ULBP1: variants seen among roughly 807,000 people sequenced by gnomAD.
ULBP1 encodes UL16-binding protein 1.
Under a neutral mutation model 25.3 loss-of-function variants are expected in ULBP1, and 28 were observed. The ratio of observed to expected loss-of-function variants is 1.10; its 90% CI spans 0.82 to 1.51. The LOEUF (loss-of-function observed/expected upper bound fraction) is 1.51. ULBP1 is among the 40% of genes most tolerant of loss of function. The pLI, the probability that ULBP1 is intolerant of heterozygous loss-of-function variation, is 0.00. For synonymous variants in ULBP1, 129 were observed against 103.0 expected, an observed-to-expected ratio of 1.25 and a Z score of -1.53; for missense variants, 348 against 290.9, an observed-to-expected ratio of 1.20 and a Z score of -1.43.
intron 1 of ULBP1, among the ~76,000 whole-genome samples, chr6:149,966,230 T>G (rs1779203001): frequency 6.6e-6 from 1 of 152,144 alleles, no homozygotes; most frequent in Non-Finnish European, 1.5e-5. Context: ...CAGCAGGCAA[T>G]GGTAACCTGC....
intron 4 of ULBP1, among the ~76,000 whole-genome samples, chr6:149,970,862 C>T (rs1198104016): frequency 2.0e-5 from 3 of 152,368 alleles, no homozygotes; most frequent in African/African-American, 7.2e-5. Context: ...GGGAGCTGAG[C>T]TGCTGCTGGA....
rs1221078299 is a variant in ULBP1 at position 149,969,267 on chromosome 6, G to C, written c.532G>C (p.Val178Leu). ...AGAGAAGTGGGAGAAGAACAGGGAT[G>C]TGACCATGTTCTTCCAGAAGATTTC... is the stretch of plus-strand genomic sequence containing the variant. ...MTEKWEKNRD[V>L]TMFFQKISLG... The change falls in exon 3 of 5, where the codon GTG becomes CTG. Residue 178 changes from valine to leucine, a missense_variant. Physicochemically the swap from Val to Leu is conservative, Grantham distance 32. Coordinates refer to ENST00000229708, the MANE Select transcript of ULBP1 (RefSeq NM_025218.4). 6.2e-7 allele frequency: 1 copy of C among 1,614,258 alleles called. No homozygotes were observed. Among genetic ancestry groups the C allele is most frequent in the Non-Finnish European group, 8.5e-7 (1 of 1,180,042 alleles).
chr6:149,970,547 GTCCC>G (rs1779296416), intron 4 of ULBP1, among the ~76,000 whole-genome samples: 2 of 152,220 alleles, frequency 1.3e-5, no homozygotes, highest in Non-Finnish European at 2.9e-5. Context: ...GGGAAGGGGT[GTCCC>G]TGGAGGAGGC....
At chr6:149,965,233 A>C (rs1039972982) in intron 1 of ULBP1, among the ~76,000 whole-genome samples, 4 of 114,526 alleles carry the variant, frequency 3.5e-5, no homozygotes, top group African/African-American at 2.1e-4. Flanking sequence ...GGTCTACCCG[A>C]ACATCGCGGC....
intron 1 of ULBP1, among the ~76,000 whole-genome samples, chr6:149,967,773 C>T (rs1375214929): frequency 1.3e-5 from 2 of 152,076 alleles, no homozygotes; most frequent in South Asian, 2.1e-4. Flanking sequence ...TTTTCCATCC[C>T]CATTACTACT....
chr6:149,967,044 G>A (rs1779216065), intron 1 of ULBP1, among the ~76,000 whole-genome samples: 2 of 152,200 alleles, frequency 1.3e-5, no homozygotes, highest in East Asian at 1.9e-4. Context: ...TAGTGACAGG[G>A]GAGGTCATAT....
At chr6:149,971,266 G>C in intron 4 of ULBP1, 103 bp from the exon 5 acceptor site, 1 of 814,602 alleles carries the variant, frequency 1.2e-6, no homozygotes, top group Non-Finnish European at 1.5e-6. Flanking sequence ...TTTCTTATTT[G>C]TGGGAGAGGT....
chr6:149,971,514 G>A lies in ULBP1; in HGVS notation c.*168G>A. Reference sequence around the variant, plus strand: ...AGCCCAGAGGCCCCCAGCAGACGATGAGGACATTGTCGGCTCAACATCTCA... The same window carrying A: ...AGCCCAGAGGCCCCCAGCAGACGATAAGGACATTGTCGGCTCAACATCTCA... On this transcript the variant is annotated 3_prime_UTR_variant, in exon 5 of 5. Coordinates refer to ENST00000229708, the MANE Select transcript of ULBP1 (RefSeq NM_025218.4). 1 of 509,080 alleles carries A rather than the reference G, an allele frequency of 2.0e-6. No homozygotes were observed. Among genetic ancestry groups the A allele is most frequent in the Non-Finnish European group, 2.5e-6 (1 of 398,086 alleles). The allele number at this position is 509,080 out of a possible 1,614,324, so 31.5% of individuals were successfully genotyped here.
chr6:149,968,696 A>G lies in ULBP1; in HGVS notation c.175A>G (p.Arg59Gly), dbSNP rs376980566. Reference sequence around the variant, plus strand: ...TGAAGTTCAAGGCCTGGTGGATGAAAGGCCTTTTCTTCACTATGACTGTGT... The same window carrying G: ...TGAAGTTCAAGGCCTGGTGGATGAAGGGCCTTTTCTTCACTATGACTGTGT... ...WCEVQGLVDE[R>G]PFLHYDCVNH... Residue 59 changes from arginine (R) to glycine (G), a missense_variant, in exon 2 of 5, where the codon AGG (arginine) becomes GGG (glycine). By Grantham distance (125) the Arg-to-Gly change is moderately radical (BLOSUM62 -2). Transcript: ENST00000229708. The G allele has an allele frequency of 2.1e-5, 34 of 1,614,088 alleles. No homozygotes were observed. Among genetic ancestry groups the G allele is most frequent in the Middle Eastern group, 1.6e-4 (1 of 6,084 alleles).
chr6:149,966,514 C>G (rs1779207096), intron 1 of ULBP1, among the ~76,000 whole-genome samples: 2 of 152,132 alleles, frequency 1.3e-5, no homozygotes, highest in Non-Finnish European at 2.9e-5. Flanking sequence ...CAGGGACCCT[C>G]CTTAAAGCCT....
chr6:149,965,771 T>G (rs1381482840), intron 1 of ULBP1, among the ~76,000 whole-genome samples: 1 of 151,928 alleles, frequency 6.6e-6, no homozygotes, highest in African/African-American at 2.4e-5. Flanking sequence ...ACCCTTCCCC[T>G]CACCATTCAC....
At chr6:149,971,029 G>A (rs1256202116) in intron 4 of ULBP1, among the ~76,000 whole-genome samples, 5 of 152,212 alleles carry the variant, frequency 3.3e-5, no homozygotes, top group East Asian at 1.9e-4. Flanking sequence ...GCCAGGGAAC[G>A]TGGATAGAAA....
In ULBP1 at chr6:149,970,162, A is replaced by G; in HGVS notation, c.*22+15A>G. The G allele has an allele frequency of 2.6e-6, 4 of 1,566,916 alleles. No individual in the cohort carries two copies. The highest frequency in any genetic ancestry group is 3.5e-6 in the Non-Finnish European group (4 of 1,154,836). ...TAGAGTGACAGGTACTGTGGGCAAT[A>G]TTGGGAGGGGAGCAAGAGGCAGATG... On this transcript the variant is annotated intron_variant, in intron 4 of 4. Coordinates refer to ENST00000229708, the MANE Select transcript of ULBP1 (RefSeq NM_025218.4).
Position 149,968,668 on chromosome 6 carries a change from G to T in ULBP1, c.147G>T (p.Trp49Cys), listed in dbSNP as rs755532318. 1 of 1,613,988 alleles carries T rather than the reference G, an allele frequency of 6.2e-7. No homozygotes were observed. Among genetic ancestry groups the T allele is most frequent in the Non-Finnish European group, 8.5e-7 (1 of 1,179,928 alleles). ...ITPKSRPEPQ[W>C]CEVQGLVDER... ...CTAAGTCCAGACCTGAACCACAGTG[G>T]TGTGAAGTTCAAGGCCTGGTGGATG... The change falls in exon 2 of 5, where the codon TGG becomes TGT. Residue 49 changes from tryptophan to cysteine, a missense_variant. Coordinates refer to ENST00000229708, the MANE Select transcript of ULBP1 (RefSeq NM_025218.4).
Position 149,964,127 on chromosome 6 carries a change from A to G in ULBP1, c.78A>G (p.Gly26=), listed in dbSNP as rs757522733. 1 of 1,614,134 alleles carries G rather than the reference A, an allele frequency of 6.2e-7. No individual in the cohort carries two copies. Among genetic ancestry groups the G allele is most frequent in the Non-Finnish European group, 8.5e-7 (1 of 1,179,994 alleles). The change falls in exon 1 of 5, where the codon GGA becomes GGG. Residue 26 remains glycine, a synonymous_variant. Coordinates refer to ENST00000229708, the MANE Select transcript of ULBP1 (RefSeq NM_025218.4). Reference sequence around the variant, plus strand: ...TGCTGTCTGGCTGGTCCCGGGCAGGATGGGTCGGTGAGTTCGGGGATGTAG... The same window carrying G: ...TGCTGTCTGGCTGGTCCCGGGCAGGGTGGGTCGGTGAGTTCGGGGATGTAG... ...LHLLSGWSRA[G]WVDTHCLCYD...
chr6:149,971,172 T>G (rs1779310131), intron 4 of ULBP1, among the ~76,000 whole-genome samples, 197 bp from the exon 5 acceptor site: 1 of 152,122 alleles, frequency 6.6e-6, no homozygotes, highest in South Asian at 2.1e-4. Flanking sequence ...TAACAGGACC[T>G]GGGCTGGCTC....
rs370528421 is a variant in ULBP1, at chr6:149,964,242, C to G, written c.85+108C>G. 242 of 1,265,470 alleles carry G rather than the reference C, an allele frequency of 1.9e-4. 2 individuals are homozygous for G. The African/African-American group carries it at 3.4e-3, about 18-fold the overall frequency. 78.4% of individuals were successfully genotyped at this position (1,265,470 alleles called of 1,614,324 possible). A position where few individuals can be genotyped will look rare whatever the true frequency, so the allele number is the denominator to read the frequency against. On this transcript the variant is annotated intron_variant, in intron 1 of 4. Coordinates refer to ENST00000229708, the MANE Select transcript of ULBP1 (RefSeq NM_025218.4). ...GCTTCTGGAAGGACCGGCGCGATCT[C>G]CCTGAACGAACATCGCGGTCTCCCC...
At chr6:149,968,219 C>T (rs1779237710) in intron 1 of ULBP1, among the ~76,000 whole-genome samples, 1 of 152,210 alleles carries the variant, frequency 6.6e-6, no homozygotes, top group Admixed American at 6.5e-5. Flanking sequence ...TGGAGCATCC[C>T]AGGGCAGCTC....
intron 1 of ULBP1, 101 bp from the exon 2 acceptor site, chr6:149,968,506 G>C (rs771345525): frequency 6.8e-7 from 1 of 1,473,272 alleles, no homozygotes; most frequent in Non-Finnish European, 9.1e-7. Context: ...TGCCAGCCCA[G>C]CCCCTCAGAG....
Sources: allele counts gnomAD v4.1 joint callset (sites outside exome capture counted in the v4.1 genomes callset), GRCh38; gene constraint gnomAD v4.1.1; transcripts MANE v1.5; gene names NCBI Gene and HGNC (gene_info 2026-07-23, HGNC 2026-07-21).